CIMAP2: variants seen among roughly 807,000 people sequenced by gnomAD.
CIMAP2 encodes the protein ciliary microtubule associated protein 2.
At chr1:54,825,176 G>A in the CIMAP2 span, among the ~76,000 whole-genome samples, 3 of 149,180 alleles carry the variant, frequency 2.0e-5, no homozygotes, top group South Asian at 6.4e-4. Context: ...TCAACCTCCC[G>A]AGTAGCTGAG....
At chr1:54,832,738 T>C in the CIMAP2 span, among the ~76,000 whole-genome samples, 5 of 151,810 alleles carry the variant, frequency 3.3e-5, no homozygotes, top group Non-Finnish European at 2.9e-5. Flanking sequence ...AAAGAATCAA[T>C]AAAAATGGGC....
the CIMAP2 span, among the ~76,000 whole-genome samples, chr1:54,827,590 A>G: frequency 6.6e-6 from 1 of 152,144 alleles, no homozygotes; most frequent in Admixed American, 6.5e-5. Context: ...ACCTGGGGCA[A>G]GTTGCTCAGA....
chr1:54,811,642 C>T, the CIMAP2 span: 3 of 809,072 alleles, frequency 3.7e-6, no homozygotes, highest in African/African-American at 3.4e-5. Context: ...TCACGGGCAA[C>T]AATGTTGTGT....
chr1:54,811,766 C>CGGGGGGGGGGGGGGGGGGGGGGGG, the CIMAP2 span: 1 of 1,305,188 alleles, frequency 7.7e-7, no homozygotes, highest in Admixed American at 1.9e-5. Flanking sequence ...GTTCTGACAG[C>CGGGGGGGGGGGGGGGGGGGGGGGG]CTCCATGCCC....
At chr1:54,806,192 G>C in the CIMAP2 span, 1 of 1,548,464 alleles carries the variant, frequency 6.5e-7, no homozygotes, top group South Asian at 1.2e-5. Context: ...GTGGTTCACC[G>C]GGGCGCCCTT....
At chr1:54,816,396 A>G in the CIMAP2 span, among the ~76,000 whole-genome samples, 933 of 152,180 alleles carry the variant, frequency 6.1e-3, 9 homozygotes, top group African/African-American at 0.019. Context: ...GGCAAGTTGC[A>G]TCTCCTTTCT....
At chr1:54,834,201 T>C in the CIMAP2 span, among the ~76,000 whole-genome samples, 2 of 152,220 alleles carry the variant, frequency 1.3e-5, no homozygotes, top group Non-Finnish European at 1.5e-5. Flanking sequence ...TTCACCCATC[T>C]ATAGCGCTGC....
At chr1:54,811,767 C>CGGGGG in the CIMAP2 span, 15 of 1,088,144 alleles carry the variant, frequency 1.4e-5, no homozygotes, top group Non-Finnish European at 1.8e-5. Flanking sequence ...TTCTGACAGC[C>CGGGGG]TCCATGCCCC....
the CIMAP2 span, chr1:54,814,113 C>T: frequency 8.9e-7 from 1 of 1,129,454 alleles, no homozygotes. Flanking sequence ...CAATCCTGGT[C>T]TGGAACATTG....
the CIMAP2 span, among the ~76,000 whole-genome samples, chr1:54,818,085 T>G: frequency 6.6e-6 from 1 of 152,100 alleles, no homozygotes; most frequent in Non-Finnish European, 1.5e-5. Context: ...AGAAGTCTTA[T>G]ACCTTTCTGG....
At chr1:54,828,919 C>T in the CIMAP2 span, among the ~76,000 whole-genome samples, 1 of 152,012 alleles carries the variant, frequency 6.6e-6, no homozygotes, top group Admixed American at 6.6e-5. Context: ...CCAGAGGGGG[C>T]AACTGGATAA....
the CIMAP2 span, chr1:54,811,765 G>GCCGGGGGGGGGGGGGGGGCC: frequency 7.7e-7 from 1 of 1,301,330 alleles, no homozygotes; most frequent in Non-Finnish European, 1.1e-6. Flanking sequence ...GGTTCTGACA[G>GCCGGGGGGGGGGGGGGGGCC]CCTCCATGCC....
the CIMAP2 span, chr1:54,814,990 C>A: frequency 6.2e-7 from 1 of 1,614,050 alleles, no homozygotes; most frequent in African/African-American, 1.3e-5. Context: ...TTCCTGTTGA[C>A]CTCCAAGGGG....
the CIMAP2 span, chr1:54,841,557 C>T: frequency 6.2e-7 from 1 of 1,611,636 alleles, no homozygotes; most frequent in Non-Finnish European, 8.5e-7. Context: ...TTCTTACAAG[C>T]CAAGTTGGGT....
the CIMAP2 span, chr1:54,817,178 T>G: frequency 1.3e-6 from 2 of 1,594,258 alleles, no homozygotes; most frequent in Non-Finnish European, 1.7e-6. Flanking sequence ...GGTCTTACTC[T>G]GGGGTGGGCT....
At chr1:54,834,207 G>A in the CIMAP2 span, among the ~76,000 whole-genome samples, 2 of 152,144 alleles carry the variant, frequency 1.3e-5, no homozygotes, top group Admixed American at 6.5e-5. Context: ...CATCTATAGC[G>A]CTGCTTAAAT....
At chr1:54,808,474 C>T in the CIMAP2 span, among the ~76,000 whole-genome samples, 12 of 152,008 alleles carry the variant, frequency 7.9e-5, no homozygotes, top group African/African-American at 7.2e-5. Context: ...CAAATCAGAC[C>T]GGCAGGCAGG....
the CIMAP2 span, among the ~76,000 whole-genome samples, chr1:54,833,802 C>T: frequency 2.0e-5 from 3 of 152,068 alleles, no homozygotes; most frequent in Non-Finnish European, 4.4e-5. Flanking sequence ...CTCCCTTTGT[C>T]TTCCCCACAT....
At chr1:54,824,572 T>A in the CIMAP2 span, among the ~76,000 whole-genome samples, 151,743 of 151,768 alleles carry the variant, frequency 1, 75,859 homozygotes, top group Middle Eastern at 1. Flanking sequence ...AATCTTGTAA[T>A]TTTTTTTCTT....
Sources: gnomAD v4.1 joint callset for allele counts (sites outside exome capture counted in the v4.1 genomes callset) on GRCh38, gnomAD v4.1.1 for gene constraint, MANE v1.5 for transcripts, NCBI Gene and HGNC (gene_info 2026-07-23, HGNC 2026-07-21) for gene names.